CMC1: variants seen among roughly 807,000 people sequenced by gnomAD.
The protein encoded by CMC1 is COX assembly mitochondrial protein homolog.
A neutral mutation model predicts 14.1 loss-of-function variants in CMC1; 14 were observed. The ratio of observed to expected loss-of-function variants is 0.99; its 90% CI spans 0.66 to 1.55. The LOEUF (loss-of-function observed/expected upper bound fraction) is 1.55, where lower values mean the gene tolerates loss of function less well. Among genes scored for constraint, CMC1 ranks in the 40% most tolerant of loss-of-function variants. CMC1 has a pLI of 0.00. For synonymous variants in CMC1, 50 were observed against 38.4 expected, an observed-to-expected ratio of 1.30 and a Z score of -1.12; for missense variants, 127 against 123.8, an observed-to-expected ratio of 1.03 and a Z score of -0.12.
At chr3:28,274,478 T>G (rs1043136920) in intron 2 of CMC1, among the ~76,000 whole-genome samples, 1 of 152,082 alleles carries the variant, frequency 6.6e-6, no homozygotes, top group African/African-American at 2.4e-5. Context: ...TGCTGAGAGG[T>G]CCACTGTTAG....
intron 2 of CMC1, among the ~76,000 whole-genome samples, chr3:28,315,634 A>G (rs1384337506): frequency 6.6e-6 from 1 of 152,220 alleles, no homozygotes; most frequent in Non-Finnish European, 1.5e-5. Context: ...TTCTCCTAGA[A>G]TATACAGTCG....
At chr3:28,287,076 C>A (rs1401415462) in intron 2 of CMC1, among the ~76,000 whole-genome samples, 1 of 152,002 alleles carries the variant, frequency 6.6e-6, no homozygotes, top group Non-Finnish European at 1.5e-5. Flanking sequence ...ATTTGGTGAC[C>A]AATTCTCGGA....
chr3:28,324,258 G>A lies in CMC1; in HGVS notation c.*4629G>A. On this transcript the variant is annotated 3_prime_UTR_variant, in exon 4 of 4. Transcript: ENST00000466830. ...CATCATTAGGAATGGATCTCTCATT[G>A]TCTGTCCATGATTGGAGGATTGCTT... 1 of 1,609,950 alleles carries A rather than the reference G, an allele frequency of 6.2e-7. No homozygotes were observed. Among genetic ancestry groups the A allele is most frequent in the Non-Finnish European group, 8.5e-7 (1 of 1,177,266 alleles).
intron 1 of CMC1, chr3:28,253,871 C>A (rs1412681214): frequency 6.6e-6 from 3 of 456,050 alleles, no homozygotes; most frequent in East Asian, 7.0e-5. Flanking sequence ...ACTTGCCCTT[C>A]ATATATCACA....
At chr3:28,259,957 T>C (rs936946787) in intron 1 of CMC1, among the ~76,000 whole-genome samples, 3 of 152,150 alleles carry the variant, frequency 2.0e-5, no homozygotes, top group African/African-American at 7.2e-5. Context: ...AGCTAGAAGA[T>C]TTTTTGTAGA....
intron 1 of CMC1, among the ~76,000 whole-genome samples, chr3:28,254,896 C>T (rs1336160787): frequency 6.6e-6 from 1 of 152,170 alleles, no homozygotes; most frequent in Non-Finnish European, 1.5e-5. Context: ...ATGATTTATT[C>T]TGTAGGCAAG....
chr3:28,304,236 T>TA (rs1288271497), intron 2 of CMC1, among the ~76,000 whole-genome samples: 2 of 152,062 alleles, frequency 1.3e-5, no homozygotes, highest in African/African-American at 4.8e-5. Context: ...TCAAAAATAA[T>TA]ATCTTTTTAA....
intron 2 of CMC1, chr3:28,297,091 C>T (rs1701775437): frequency 6.6e-6 from 1 of 152,094 alleles, no homozygotes. Flanking sequence ...AAATGTGTCA[C>T]TGCCTTGCTG....
chr3:28,250,820 G>A (rs1559398821), intron 1 of CMC1, among the ~76,000 whole-genome samples: 1 of 152,202 alleles, frequency 6.6e-6, no homozygotes, highest in East Asian at 1.9e-4. Flanking sequence ...ATTGCCCCAG[G>A]AGGATTAAGT....
At chr3:28,253,235 A>G (rs949467661) in intron 1 of CMC1, among the ~76,000 whole-genome samples, 6 of 152,170 alleles carry the variant, frequency 3.9e-5, no homozygotes, top group East Asian at 1.9e-4. Flanking sequence ...ATTGTATATC[A>G]TGCCTTCTTC....
Position 28,324,070 on chromosome 3 carries a change from T to C in CMC1, c.*4441T>C, listed in dbSNP as rs1703285392. On this transcript the variant is annotated 3_prime_UTR_variant, in exon 4 of 4. Coordinates refer to ENST00000466830, the MANE Select transcript of CMC1 (RefSeq NM_182523.2). The stretch of plus-strand genomic sequence containing the variant: ...ATTCTTATAAAGGCAGTTCTGATTA[T>C]GTTGATCCAAGTAATGCAGTGGTGG... 2 of 1,609,212 alleles carry C rather than the reference T, an allele frequency of 1.2e-6. No individual in the cohort carries two copies. Among genetic ancestry groups the C allele is most frequent in the African/African-American group, 2.7e-5 (2 of 74,542 alleles).
At chr3:28,248,825 T>C (rs1477928101) in intron 1 of CMC1, among the ~76,000 whole-genome samples, 1 of 152,210 alleles carries the variant, frequency 6.6e-6, no homozygotes, top group Non-Finnish European at 1.5e-5. Flanking sequence ...AGTCTCGCTC[T>C]GTTGCCCAGG....
At chr3:28,281,152 T>TA (rs1470417907) in intron 2 of CMC1, among the ~76,000 whole-genome samples, 3 of 152,212 alleles carry the variant, frequency 2.0e-5, no homozygotes, top group Admixed American at 6.5e-5. Context: ...TATGAATACT[T>TA]ACCATGTATC....
At position 28,283,523 on chromosome 3, in the gene CMC1, GCAACAACAA is replaced by G. The variant is rs772181418; in HGVS notation, c.109+20159_109+20167del. On this transcript the variant is annotated intron_variant, in intron 2 of 3. Transcript: ENST00000466830. ...AACAGAGAGAGACTCCATCTCAACAGCAACAACAACAACAACAACAACAAAAACAAAAAA... is the reference window on the plus strand; with the variant it reads ...AACAGAGAGAGACTCCATCTCAACAGCAACAACAACAACAAAAACAAAAAA... Among the ~76,000 whole-genome samples, 4 of 118,418 alleles carry G rather than the reference GCAACAACAA, an allele frequency of 3.4e-5. No individual in the cohort carries two copies. The East Asian group carries it at 9.2e-4, about 27-fold the overall frequency. 77.7% of individuals were successfully genotyped at this position (118,418 alleles called of 152,430 possible). A position where few individuals can be genotyped will look rare whatever the true frequency, so the allele number is the denominator to read the frequency against.
rs28468390 is a variant in CMC1, at chr3:28,309,872, A to C, written c.110-6461A>C. ...ACACACACACACACAAGCTAATTGC[A>C]AATATACATTTTAACATTGCCTGCT... On this transcript the variant is annotated intron_variant, in intron 2 of 3. Coordinates refer to ENST00000466830, the MANE Select transcript of CMC1 (RefSeq NM_182523.2). Among the ~76,000 whole-genome samples, 803 of 132,294 alleles carry C rather than the reference A, an allele frequency of 6.1e-3. 7 individuals are homozygous for C. Among genetic ancestry groups the C allele is most frequent in the African/African-American group, 0.023 (765 of 33,638 alleles). The allele number at this position is 132,294 out of a possible 152,430, so 86.8% of individuals were successfully genotyped here. A position where few individuals can be genotyped will look rare whatever the true frequency, so the allele number is the denominator to read the frequency against.
intron 2 of CMC1, among the ~76,000 whole-genome samples, chr3:28,267,546 C>T (rs185329247): frequency 6.6e-6 from 1 of 152,226 alleles, no homozygotes; most frequent in African/African-American, 2.4e-5. Flanking sequence ...ATTTATGTTG[C>T]AGTCTTTATG....
chr3:28,297,029 T>C (rs1347545415), intron 2 of CMC1: 1 of 152,122 alleles, frequency 6.6e-6, no homozygotes, highest in Non-Finnish European at 1.5e-5. Flanking sequence ...TGATATTTCT[T>C]GCCATCTTTC....
intron 1 of CMC1, among the ~76,000 whole-genome samples, chr3:28,246,260 A>G (rs1698824350): frequency 6.6e-6 from 1 of 152,150 alleles, no homozygotes; most frequent in African/African-American, 2.4e-5. Flanking sequence ...AAAATACATT[A>G]TTTTTGTCTC....
chr3:28,311,466 C>G (rs915310175), intron 2 of CMC1, among the ~76,000 whole-genome samples: 16 of 152,136 alleles, frequency 1.1e-4, no homozygotes, highest in African/African-American at 3.9e-4. Context: ...GAATAATGTG[C>G]TGTGTGTCCC....
Sources: allele counts gnomAD v4.1 joint callset (sites outside exome capture counted in the v4.1 genomes callset), GRCh38; gene constraint gnomAD v4.1.1; transcripts MANE v1.5; gene names NCBI Gene and HGNC (gene_info 2026-07-23, HGNC 2026-07-21).